The following PPFIA1 variants were observed in gnomAD, a reference collection of about 807,000 sequenced individuals.
PPFIA1 encodes PPFI scaffold protein A1.
In PPFIA1, 25 loss-of-function variants were observed where a neutral mutation model predicts 149.9. The ratio of observed to expected loss-of-function variants is 0.17; its 90% confidence interval spans 0.12 to 0.23. The LOEUF (loss-of-function observed/expected upper bound fraction) is 0.23, where lower values mean the gene tolerates loss of function less well. PPFIA1 is among the 10% of genes least tolerant of loss of function. The pLI is 1.00. For missense variants in PPFIA1, 1,362 were observed against 1,506.5 expected, an observed-to-expected ratio of 0.90 and a Z score of 1.59; for synonymous variants, 549 against 552.8, an observed-to-expected ratio of 0.99 and a Z score of 0.10.
intron 15 of PPFIA1, among the ~76,000 whole-genome samples, chr11:70,344,567 A>G (rs946651788): frequency 6.6e-6 from 1 of 152,248 alleles, no homozygotes; most frequent in Non-Finnish European, 1.5e-5. Context: ...CCTCCTGCAC[A>G]GAAGAGGCTG....
chr11:70,382,071 C>A lies in PPFIA1; in HGVS notation c.3551-17C>A. 1 of 1,613,344 alleles carries A rather than the reference C, an allele frequency of 6.2e-7. No individual in the cohort carries two copies. Among genetic ancestry groups the A allele is most frequent in the Non-Finnish European group, 8.5e-7 (1 of 1,179,492 alleles). The stretch of plus-strand genomic sequence containing the variant: ...CACGCTGTGTTTGCACGCTTCCTCT[C>A]GTGGCTGTTGAAACAGGCAATGTAT... On this transcript the variant is annotated splice_polypyrimidine_tract_variant and intron_variant, in intron 26 of 27. Transcript: ENST00000253925.
intron 2 of PPFIA1, among the ~76,000 whole-genome samples, chr11:70,298,424 T>G (rs2052238742): frequency 6.6e-6 from 1 of 152,228 alleles, no homozygotes; most frequent in South Asian, 2.1e-4. Context: ...ATTAGGAGAC[T>G]GCTTAAAAGC....
At chr11:70,303,174 A>G (rs922874401) in intron 2 of PPFIA1, among the ~76,000 whole-genome samples, 1 of 152,040 alleles carries the variant, frequency 6.6e-6, no homozygotes, top group African/African-American at 2.4e-5. Context: ...TCAGCATTGC[A>G]CTGTGGTTCT....
chr11:70,278,549 G>A (rs183670711), intron 2 of PPFIA1, among the ~76,000 whole-genome samples: 46 of 152,056 alleles, frequency 3.0e-4, no homozygotes, highest in African/African-American at 1.1e-3. Context: ...TTTTGGAGAG[G>A]ATATGACTTT....
chr11:70,304,207 C>T (rs1402757520), intron 2 of PPFIA1, among the ~76,000 whole-genome samples: 1 of 152,120 alleles, frequency 6.6e-6, no homozygotes, highest in Non-Finnish European at 1.5e-5. Context: ...GCTCTGGGTT[C>T]CTGAACATGT....
At position 70,355,703 on chromosome 11, in the gene PPFIA1, C is replaced by T; in HGVS notation, c.2380C>T (p.Leu794Phe). The T allele has an allele frequency of 6.2e-7, 1 of 1,614,142 alleles. No homozygotes were observed. Among genetic ancestry groups the T allele is most frequent in the Non-Finnish European group, 8.5e-7 (1 of 1,180,022 alleles). The change falls in exon 18 of 28, where the codon CTC (leucine) becomes TTC (phenylalanine). Residue 794 changes from leucine to phenylalanine, a missense_variant. By Grantham distance (22) the Leu-to-Phe change is conservative. Around this residue, in one of 7 missense-constraint regions of PPFIA1, gnomAD observed 733 missense variants for 744.1 expected, o/e 0.99. Coordinates refer to ENST00000253925, the MANE Select transcript of PPFIA1 (RefSeq NM_003626.5). ...CAGTAGCAACAGTAGCCAGGACTCG[C>T]TCCACAAAGCCCCAAAGAAGAAAGG... is the stretch of plus-strand genomic sequence containing the variant. ...PSSSNSSQDS[L>F]HKAPKKKGIK... is the part of the protein sequence containing the mutation.
intron 14 of PPFIA1, among the ~76,000 whole-genome samples, chr11:70,342,528 C>T (rs2055398112): frequency 6.6e-6 from 1 of 152,240 alleles, no homozygotes; most frequent in South Asian, 2.1e-4. Flanking sequence ...GCCGCATACA[C>T]TGCCATTCTT....
rs777745652 is a variant in PPFIA1, at chr11:70,348,264, A to G, written c.2007A>G (p.Leu669=). 6.2e-6 allele frequency: 10 copies of G among 1,614,106 alleles called. No homozygotes were observed. The African/African-American group carries it at 9.3e-5, about 15-fold the overall frequency. Residue 669 remains leucine, a synonymous_variant, in exon 16 of 28, where the codon CTA becomes CTG. Transcript: ENST00000253925. ...AAAGTCGAGTTGGCAGTGGAAGTCT[A>G]GACAATCTTGGTCGTTTTAGATCAA... The part of the protein sequence containing the change: ...EIESRVGSGS[L]DNLGRFRSMS...
chr11:70,333,479 A>G lies in PPFIA1; in HGVS notation c.1222A>G (p.Arg408Gly). The change falls in exon 10 of 28, where the codon AGA becomes GGA. Residue 408 changes from arginine to glycine, a missense_variant. By Grantham distance (125) the Arg-to-Gly change is moderately radical (BLOSUM62 -2). Around this residue, in one of 7 missense-constraint regions of PPFIA1, gnomAD observed 733 missense variants for 744.1 expected, o/e 0.99. Transcript: ENST00000253925. The stretch of plus-strand genomic sequence containing the variant: ...CTGTTTCTGCTGACAGGCTGAAGAG[A>G]GACACGGCAACATTGAAGAAAGGTT... ...RVAALSKAEE[R>G]HGNIEERLRQ... 1.2e-6 allele frequency: 2 copies of G among 1,612,902 alleles called. No homozygotes were observed. Among genetic ancestry groups the G allele is most frequent in the Non-Finnish European group, 8.5e-7 (1 of 1,179,560 alleles).
chr11:70,317,799 C>T (rs746989975), intron 2 of PPFIA1, among the ~76,000 whole-genome samples: 5 of 152,070 alleles, frequency 3.3e-5, no homozygotes, highest in Admixed American at 6.6e-5. Context: ...TTGCATCATC[C>T]GAGTTGTGAA....
intron 21 of PPFIA1, among the ~76,000 whole-genome samples, chr11:70,369,918 T>C (rs2057141942): frequency 1.3e-5 from 2 of 151,838 alleles, no homozygotes; most frequent in Admixed American, 1.3e-4. Flanking sequence ...GTTACCGACA[T>C]GGCCACCATG....
At chr11:70,363,395 G>C (rs1425965728) in intron 21 of PPFIA1, 2 of 152,234 alleles carry the variant, frequency 1.3e-5, no homozygotes, top group Non-Finnish European at 2.9e-5. Context: ...TTAATGTTAT[G>C]TCTGTGAATT....
intron 5 of PPFIA1, among the ~76,000 whole-genome samples, chr11:70,325,933 C>CAAAAAAAAAAAAAAA (rs71049905): frequency 9.8e-6 from 1 of 102,364 alleles, no homozygotes. Flanking sequence ...ACTCTGTCTC[C>CAAAAAAAAAAAAAAA]AAAAAAAAAA....
intron 2 of PPFIA1, among the ~76,000 whole-genome samples, chr11:70,281,450 G>A (rs944292610): frequency 6.6e-6 from 1 of 152,282 alleles, no homozygotes; most frequent in Admixed American, 6.5e-5. Flanking sequence ...GGCGTGTCCT[G>A]GAGCCCAAGT....
At chr11:70,316,527 T>C (rs1366622469) in intron 2 of PPFIA1, among the ~76,000 whole-genome samples, 1 of 152,222 alleles carries the variant, frequency 6.6e-6, no homozygotes, top group Admixed American at 6.5e-5. Flanking sequence ...AATTGTAACA[T>C]GGCCAAGTAA....
chr11:70,328,501 C>T lies in PPFIA1; in HGVS notation c.931-1672C>T, dbSNP rs142992727. 3.9e-5 allele frequency among the ~76,000 whole-genome samples: 6 copies of T among 152,064 alleles called. No individual in the cohort carries two copies. The East Asian group carries it at 9.6e-4, about 24-fold the overall frequency. The stretch of plus-strand genomic sequence containing the variant: ...TCATTGATGGGCATTTAGGTTGATT[C>T]CTTGTCTTTGCTGTTGTGAATAGTG... On this transcript the variant is annotated intron_variant, in intron 7 of 27. Coordinates refer to ENST00000253925, the MANE Select transcript of PPFIA1 (RefSeq NM_003626.5).
chr11:70,349,493 T>TTTTTTTTTAG, intron 16 of PPFIA1, among the ~76,000 whole-genome samples: 1 of 152,326 alleles, frequency 6.6e-6, no homozygotes, highest in African/African-American at 2.4e-5. Context: ...AACTATCTTG[T>TTTTTTTTTAG]ATATTTAGAA....
At chr11:70,333,841 G>A (rs765160429) in intron 10 of PPFIA1, among the ~76,000 whole-genome samples, 1 of 152,130 alleles carries the variant, frequency 6.6e-6, no homozygotes, top group East Asian at 1.9e-4. Context: ...GGCCTATCAG[G>A]GGAACTGTTC....
rs7932076 is a variant in PPFIA1, at chr11:70,382,017, G to A, written c.3551-71G>A. The A allele has an allele frequency of 4.8e-3, 6,438 of 1,346,194 alleles. 281 individuals carry two copies. In the African/African-American group the frequency reaches 0.083, roughly 17 times the overall value. 83.4% of individuals were successfully genotyped at this position (1,346,194 alleles called of 1,614,324 possible). A position where few individuals can be genotyped will look rare whatever the true frequency, so the allele number is the denominator to read the frequency against. On this transcript the variant is annotated intron_variant, in intron 26 of 27. Transcript: ENST00000253925. Reference sequence around the variant, plus strand: ...GGTGTGAAGATGTGTGTCTACTTGTGCCCTCATGTGATGTTCTAAGACTAA... The same window carrying A: ...GGTGTGAAGATGTGTGTCTACTTGTACCCTCATGTGATGTTCTAAGACTAA...
Sources: allele counts gnomAD v4.1 joint callset (sites outside exome capture counted in the v4.1 genomes callset), GRCh38; gene constraint gnomAD v4.1.1; regional missense constraint gnomAD v4.1.1; transcripts MANE v1.5; gene names NCBI Gene and HGNC (gene_info 2026-07-23, HGNC 2026-07-21).